The following ZNF783 variants were observed in gnomAD, a reference collection of about 807,000 sequenced individuals.
The protein encoded by ZNF783 is zinc finger protein 783, also known as protein ZNF783.
Under a neutral mutation model 31.3 loss-of-function variants are expected in ZNF783, and 25 were observed. That is an observed-to-expected ratio of 0.80 (90% CI 0.58 to 1.11). ZNF783 has a LOEUF of 1.11. ZNF783 is among the 50% of genes most tolerant of loss of function. ZNF783 has a pLI of 0.00. For synonymous variants in ZNF783, 369 were observed against 319.1 expected, an observed-to-expected ratio of 1.16 and a Z score of -1.66; for missense variants, 797 against 760.0, an observed-to-expected ratio of 1.05 and a Z score of -0.57.
intron 5 of ZNF783, among the ~76,000 whole-genome samples, chr7:149,280,777 A>C (rs1162627111): frequency 6.6e-6 from 1 of 152,068 alleles, no homozygotes; most frequent in East Asian, 1.9e-4. Context: ...GACCCCTGAG[A>C]GCTGGGTGCT....
chr7:149,279,550 G>C (rs1563198921), intron 5 of ZNF783, among the ~76,000 whole-genome samples: 1 of 152,180 alleles, frequency 6.6e-6, no homozygotes, highest in Non-Finnish European at 1.5e-5. Context: ...GCAAGCCGCG[G>C]GTGTCCAGCA....
chr7:149,275,517 CTG>C (rs1263441115), intron 4 of ZNF783: 2 of 151,976 alleles, frequency 1.3e-5, no homozygotes, highest in Non-Finnish European at 2.9e-5. Context: ...CGGGGTTTCA[CTG>C]TGTTAGCCAG....
intron 4 of ZNF783, among the ~76,000 whole-genome samples, chr7:149,270,047 C>T (rs895093813): frequency 6.6e-6 from 1 of 152,172 alleles, no homozygotes; most frequent in African/African-American, 2.4e-5. Context: ...ATATGTGCCA[C>T]ATTTTCTTAA....
rs759260125 is a variant in ZNF783, at chr7:149,282,076, C to T, written c.1374C>T (p.His458=). The T allele has an allele frequency of 5.0e-6, 8 of 1,596,234 alleles. No homozygotes were observed. In the Admixed American group the frequency reaches 5.0e-5, roughly 10 times the overall value. ...RKSLLLHQRL[H]TGNGQGWPAC... is the part of the protein sequence containing the mutation. ...GCCTGCTGCTGCACCAGCGCCTGCA[C>T]ACCGGCAATGGCCAGGGCTGGCCCG... is the stretch of plus-strand genomic sequence containing the variant. The change falls in exon 6 of 6, where the codon CAC becomes CAT. Residue 458 remains histidine, a synonymous_variant. Transcript: ENST00000434415.
At position 149,263,294 on chromosome 7, in the gene ZNF783, GTGTGTGTGTGTATATATA is replaced by G. The variant is rs1180163187; in HGVS notation, c.24+939_24+956del. The stretch of plus-strand genomic sequence containing the variant: ...TGTGTGTGTGTGTGTGTGTGTGTGT[GTGTGTGTGTGTATATATA>G]TATATATATATATTTTTTTTTTAGA... On this transcript the variant is annotated intron_variant, in intron 1 of 5. Transcript: ENST00000434415. 4.7e-3 allele frequency among the ~76,000 whole-genome samples: 348 copies of G among 73,796 alleles called. 8 individuals are homozygous for G. The East Asian group carries it at 0.058, about 12-fold the overall frequency. The allele number at this position is 73,796 out of a possible 152,430, so 48.4% of individuals were successfully genotyped here.
chr7:149,279,632 G>GT (rs764203926), intron 5 of ZNF783, among the ~76,000 whole-genome samples: 9,214 of 99,998 alleles, frequency 0.092, 380 homozygotes, highest in African/African-American at 0.14. Context: ...TTTTATCTTT[G>GT]TTTTTTTTTT....
chr7:149,273,432 A>G (rs1321924224), intron 4 of ZNF783, among the ~76,000 whole-genome samples: 1 of 152,102 alleles, frequency 6.6e-6, no homozygotes. Context: ...CGTCTTTTGG[A>G]TAAAAGACAT....
chr7:149,264,834 C>G (rs1350744762), intron 1 of ZNF783, among the ~76,000 whole-genome samples: 2 of 145,166 alleles, frequency 1.4e-5, no homozygotes, highest in East Asian at 4.1e-4. Flanking sequence ...GATTGCGCCA[C>G]TGTACCCCAG....
In ZNF783 at chr7:149,282,117, G is replaced by T. The variant is rs201974383; in HGVS notation, c.1415G>T (p.Gly472Val). The change falls in exon 6 of 6, where the codon GGC (glycine) becomes GTC (valine). Residue 472 changes from glycine to valine, a missense_variant. Physicochemically the swap from Gly to Val is moderately radical, Grantham distance 109. Transcript: ENST00000434415. ...GGCTGGCCCGCCTGCCCCTACTGCGGCAAGGCCTTCCGCCGGCCCTCGGAC... is the reference window on the plus strand; with the variant it reads ...GGCTGGCCCGCCTGCCCCTACTGCGTCAAGGCCTTCCGCCGGCCCTCGGAC... Reference protein sequence around the residue: ...GQGWPACPYCGKAFRRPSDLF... With the variant: ...GQGWPACPYCVKAFRRPSDLF... The T allele has an allele frequency of 7.1e-5, 113 of 1,598,630 alleles. No homozygotes were observed. The African/African-American group carries it at 1.5e-3, about 21-fold the overall frequency.
In ZNF783 at chr7:149,281,840, C is replaced by T. The variant is rs1289118578; in HGVS notation, c.1138C>T (p.Pro380Ser). The change falls in exon 6 of 6, where the codon CCC becomes TCC. Residue 380 changes from proline to serine, a missense_variant. By Grantham distance (74) the Pro-to-Ser change is moderately conservative. Transcript: ENST00000434415. ...THVEEGRQEAPGRSPTSCGDS... is the reference protein window; with the variant it reads ...THVEEGRQEASGRSPTSCGDS... The stretch of plus-strand genomic sequence containing the variant: ...TGTGGAGGAGGGGCGGCAGGAGGCC[C>T]CCGGCCGCTCGCCCACCAGCTGCGG... The T allele has an allele frequency of 6.7e-7, 1 of 1,497,318 alleles. No homozygotes were observed. The highest frequency in any genetic ancestry group is 8.8e-7 in the Non-Finnish European group (1 of 1,132,954). 92.8% of individuals were successfully genotyped at this position (1,497,318 alleles called of 1,614,324 possible).
Position 149,282,283 on chromosome 7 carries a change from C to T in ZNF783, c.1581C>T (p.Ala527=), listed in dbSNP as rs1044631369. The change falls in exon 6 of 6, where the codon GCC becomes GCT. Residue 527 remains alanine, a synonymous_variant. Transcript: ENST00000434415. ...ARGQVGPHFP[A]APARHGSLPL... is the part of the protein sequence containing the mutation. Reference sequence around the variant, plus strand: ...GCCAGGTGGGCCCACACTTCCCTGCCGCCCCCGCCCGCCACGGGAGCCTGC... The same window carrying T: ...GCCAGGTGGGCCCACACTTCCCTGCTGCCCCCGCCCGCCACGGGAGCCTGC... 7 of 1,558,418 alleles carry T rather than the reference C, an allele frequency of 4.5e-6. No individual in the cohort carries two copies. The highest frequency in any genetic ancestry group is 2.7e-5 in the African/African-American group (2 of 73,824).
intron 5 of ZNF783, among the ~76,000 whole-genome samples, chr7:149,280,470 G>T (rs1278327526): frequency 1.3e-5 from 2 of 152,204 alleles, no homozygotes; most frequent in East Asian, 3.9e-4. Context: ...CCTCCTGAGG[G>T]TTCTCTCCCT....
At chr7:149,280,073 A>AGCACCAGCATTTTAT (rs1797426812) in intron 5 of ZNF783, among the ~76,000 whole-genome samples, 1 of 149,752 alleles carries the variant, frequency 6.7e-6, no homozygotes, top group African/African-American at 2.5e-5. Flanking sequence ...CACCTCCCGG[A>AGCACCAGCATTTTAT]CGGGGCGGCT....
Position 149,267,150 on chromosome 7 carries a change from C to T in ZNF783, c.601C>T (p.Pro201Ser), listed in dbSNP as rs1452566312. The T allele has an allele frequency of 6.3e-7, 1 of 1,599,440 alleles. No homozygotes were observed. Residue 201 changes from proline (P) to serine (S), a missense_variant, in exon 4 of 6, where the codon CCT (proline) becomes TCT (serine). Coordinates refer to ENST00000434415, the MANE Select transcript of ZNF783 (RefSeq NM_001195220.2). ...CACCCGGATAGAGAGGGGAGAGGAG[C>T]CTTGTCTTGACCGGTGGGGCCAGGA... ...ILTRIERGEE[P>S]CLDRWGQEKG...
Position 149,282,036 on chromosome 7 carries a change from TC to T in ZNF783, c.1336del (p.Gln446SerfsTer119), listed in dbSNP as rs1241238450. The T allele has an allele frequency of 6.3e-7, 1 of 1,590,814 alleles. No individual in the cohort carries two copies. The highest frequency in any genetic ancestry group is 8.5e-7 in the Non-Finnish European group (1 of 1,176,458). On this transcript the variant is annotated frameshift_variant, in exon 6 of 6. Coordinates refer to ENST00000434415, the MANE Select transcript of ZNF783 (RefSeq NM_001195220.2). LOFTEE classifies it low-confidence loss of function (END_TRUNC). ...MYHCSECLRF[F>X]QQRKSLLLHQ... is the part of the protein sequence containing the mutation. The stretch of plus-strand genomic sequence containing the variant: ...CACTGCAGCGAGTGCCTGCGCTTCT[TC>T]CAGCAGCGCAAGAGCCTGCTGCTGC...
At position 149,262,339 on chromosome 7, in the gene ZNF783, C is replaced by T; in HGVS notation, c.6C>T (p.Ala2=). 3.0e-6 allele frequency: 4 copies of T among 1,340,490 alleles called. No homozygotes were observed. Among genetic ancestry groups the T allele is most frequent in the South Asian group, 1.7e-5 (1 of 57,482 alleles). 83.0% of individuals were successfully genotyped at this position (1,340,490 alleles called of 1,614,324 possible). Residue 2 remains alanine (A), a synonymous_variant, in exon 1 of 6, where the codon GCC becomes GCT. Transcript: ENST00000434415. M[A]EAAPARDPET... is the part of the protein sequence containing the mutation. The stretch of plus-strand genomic sequence containing the variant: ...AGCGAGGGACGCGGGCAGCCATGGC[C>T]GAAGCGGCGCCTGCCCGGGTAAGCG...
At chr7:149,262,798 C>G (rs1796961831) in intron 1 of ZNF783, among the ~76,000 whole-genome samples, 2 of 152,360 alleles carry the variant, frequency 1.3e-5, no homozygotes, top group African/African-American at 2.4e-5. Context: ...GAGCCTCACG[C>G]CGGGGCAGGG....
rs751038122 is a variant in ZNF783 at position 149,281,842 on chromosome 7, C to A, written c.1140C>A (p.Pro380=). 1 of 1,496,394 alleles carries A rather than the reference C, an allele frequency of 6.7e-7. No homozygotes were observed. The highest frequency in any genetic ancestry group is 1.3e-5 in the South Asian group (1 of 74,102). The allele number at this position is 1,496,394 out of a possible 1,614,324, so 92.7% of individuals were successfully genotyped here. ...THVEEGRQEA[P]GRSPTSCGDS... ...TGGAGGAGGGGCGGCAGGAGGCCCC[C>A]GGCCGCTCGCCCACCAGCTGCGGGG... is the stretch of plus-strand genomic sequence containing the variant. The change falls in exon 6 of 6, where the codon CCC becomes CCA. Residue 380 remains proline, a synonymous_variant. Transcript: ENST00000434415.
chr7:149,264,327 TAAA>T (rs1160175513), intron 1 of ZNF783, among the ~76,000 whole-genome samples: 1 of 152,168 alleles, frequency 6.6e-6, no homozygotes, highest in Non-Finnish European at 1.5e-5. Flanking sequence ...GCTAGAATCT[TAAA>T]AACGAGAGAG....
Sources: allele counts gnomAD v4.1 joint callset (sites outside exome capture counted in the v4.1 genomes callset), GRCh38; gene constraint gnomAD v4.1.1; transcripts MANE v1.5; gene names NCBI Gene and HGNC (gene_info 2026-07-23, HGNC 2026-07-21).